The following ADAM7 variants were observed in gnomAD, a reference collection of about 807,000 sequenced individuals.
ADAM7 encodes ADAM metallopeptidase domain 7.
ADAM7 carries 97 observed loss-of-function variants against 102.9 expected under a neutral mutation model. That is an observed-to-expected ratio of 0.94 (90% confidence interval 0.80 to 1.12). The LOEUF (loss-of-function observed/expected upper bound fraction) is 1.12, where lower values mean the gene tolerates loss of function less well. ADAM7 is among the 50% of genes most tolerant of loss of function. The pLI is 0.00. For synonymous variants in ADAM7, 334 were observed against 304.4 expected, an observed-to-expected ratio of 1.10 and a Z score of -1.01; for missense variants, 991 against 908.7, an observed-to-expected ratio of 1.09 and a Z score of -1.16.
chr8:24,499,827 C>T lies in ADAM7; in HGVS notation c.1924-351C>T, dbSNP rs1020089034. The stretch of plus-strand genomic sequence containing the variant: ...ACACACACACACACACACACACACA[C>T]ATCACACATCACACACACACACACA... On this transcript the variant is annotated intron_variant, in intron 17 of 21. Coordinates refer to ENST00000175238, the MANE Select transcript of ADAM7 (RefSeq NM_003817.4). Among the ~76,000 whole-genome samples the T allele has an allele frequency of 8.9e-3, 1,307 of 146,136 alleles. 19 individuals are homozygous for T. Among genetic ancestry groups the T allele is most frequent in the African/African-American group, 0.032 (1,253 of 39,604 alleles).
In ADAM7 at chr8:24,502,210, A is replaced by G. The variant is rs186411005; in HGVS notation, c.2208+634A>G. 6.7e-3 allele frequency among the ~76,000 whole-genome samples: 982 copies of G among 146,064 alleles called. 12 individuals carry two copies. Among genetic ancestry groups the G allele is most frequent in the African/African-American group, 0.023 (936 of 40,846 alleles). ...GGAATAATCAAAAGGGAAATTAGAA[A>G]GTGTTTTAACCTGAATGAAAATTAA... is the stretch of plus-strand genomic sequence containing the variant. On this transcript the variant is annotated intron_variant, in intron 20 of 21. Transcript: ENST00000175238.
intron 16 of ADAM7, among the ~76,000 whole-genome samples, chr8:24,495,020 C>T (rs1820506654): frequency 6.6e-6 from 1 of 152,154 alleles, no homozygotes; most frequent in African/African-American, 2.4e-5. Flanking sequence ...TATGGGGAGT[C>T]AGGACATTCA....
In ADAM7 at chr8:24,486,249, G is replaced by A. The variant is rs1820141291; in HGVS notation, c.960+888G>A. ...TTATTAGCTTTATAGTAATCTGATA[G>A]CCCACCTCTTTTTGGAAATTAATTC... On this transcript the variant is annotated intron_variant, in intron 10 of 21. Coordinates refer to ENST00000175238, the MANE Select transcript of ADAM7 (RefSeq NM_003817.4). Among the ~76,000 whole-genome samples the A allele has an allele frequency of 4.6e-5, 7 of 152,196 alleles. 1 individual carries two copies. Among genetic ancestry groups the A allele is most frequent in the Middle Eastern group, 3.4e-3 (1 of 292 alleles).
chr8:24,449,039 A>T (rs1818675180), intron 3 of ADAM7, among the ~76,000 whole-genome samples: 1 of 152,060 alleles, frequency 6.6e-6, no homozygotes, highest in East Asian at 1.9e-4. Flanking sequence ...CATTTTCTTA[A>T]TCCAGTCTAT....
At position 24,485,327 on chromosome 8, in the gene ADAM7, T is replaced by C; in HGVS notation, c.926T>C (p.Met309Thr). The change falls in exon 10 of 22, where the codon ATG becomes ACG. Residue 309 changes from methionine to threonine, a missense_variant. Coordinates refer to ENST00000175238, the MANE Select transcript of ADAM7 (RefSeq NM_003817.4). ...HVQGISYPGG[M>T]CLPYYSTSII... ...CAAGGAATTTCTTATCCAGGGGGTA[T>C]GTGCCTGCCCTATTATTCCACCAGT... is the stretch of plus-strand genomic sequence containing the variant. 2.5e-6 allele frequency: 4 copies of C among 1,613,786 alleles called. No homozygotes were observed. The highest frequency in any genetic ancestry group is 3.4e-6 in the Non-Finnish European group (4 of 1,179,804).
At chr8:24,477,747 T>C (rs961960572) in intron 8 of ADAM7, among the ~76,000 whole-genome samples, 1 of 152,142 alleles carries the variant, frequency 6.6e-6, no homozygotes, top group African/African-American at 2.4e-5. Context: ...ATTTCAATTA[T>C]ATGCATATTA....
chr8:24,467,640 T>C (rs11135804), intron 6 of ADAM7: 32,666 of 152,292 alleles, frequency 0.21, 4,248 homozygotes, highest in Middle Eastern at 0.36. Flanking sequence ...ACTTAGTCCA[T>C]AGAAAAAGAT....
intron 16 of ADAM7, among the ~76,000 whole-genome samples, chr8:24,494,475 T>G (rs902975482): frequency 6.6e-6 from 1 of 152,160 alleles, no homozygotes; most frequent in African/African-American, 2.4e-5. Context: ...GCTTCCTTCT[T>G]TAAGAGTGGC....
At chr8:24,485,199 G>A (rs1356237517) in intron 9 of ADAM7, 78 bp from the exon 10 acceptor site, 1 of 1,282,002 alleles carries the variant, frequency 7.8e-7, no homozygotes, top group Non-Finnish European at 1.1e-6. Context: ...GGCATTGCTG[G>A]GGTTCACTGC....
At chr8:24,508,503 T>C in intron 21 of ADAM7, 43 bp from the exon 22 acceptor site, 2 of 1,591,084 alleles carry the variant, frequency 1.3e-6, no homozygotes, top group Non-Finnish European at 1.7e-6. Flanking sequence ...GTTCACAGAT[T>C]TCATAGGAAA....
Position 24,492,523 on chromosome 8 carries a change from C to A in ADAM7, c.1581C>A (p.Tyr527Ter), listed in dbSNP as rs1210790428. ...DEAIESHDIC[Y>*]KMNTKGNKFG... ...CAATAGAGAGTCATGATATCTGCTACAAGATGAATACAAAAGGAAATAAAT... is the reference window on the plus strand; with the variant it reads ...CAATAGAGAGTCATGATATCTGCTAAAAGATGAATACAAAAGGAAATAAAT... The change falls in exon 15 of 22, where the codon TAC (tyrosine) becomes TAA (stop). Residue 527 changes from tyrosine to a stop codon, truncating the protein, a stop_gained. Transcript: ENST00000175238. LOFTEE classifies it high-confidence loss of function. 1.9e-6 allele frequency: 3 copies of A among 1,611,430 alleles called. No homozygotes were observed. The highest frequency in any genetic ancestry group is 2.5e-6 in the Non-Finnish European group (3 of 1,178,648).
chr8:24,490,319 C>A (rs917546201), intron 12 of ADAM7: 2 of 153,116 alleles, frequency 1.3e-5, no homozygotes, highest in African/African-American at 4.8e-5. Flanking sequence ...GGCCACACTC[C>A]ATTTTCTTTG....
At chr8:24,443,575 C>G (rs927560239) in intron 2 of ADAM7, among the ~76,000 whole-genome samples, 5 of 152,168 alleles carry the variant, frequency 3.3e-5, no homozygotes, top group African/African-American at 1.2e-4. Context: ...TTTCTACCAC[C>G]CACTGTGCAT....
chr8:24,448,963 C>A (rs1818672122), intron 3 of ADAM7, among the ~76,000 whole-genome samples: 1 of 152,138 alleles, frequency 6.6e-6, no homozygotes, highest in Non-Finnish European at 1.5e-5. Flanking sequence ...TCATCCATGT[C>A]CCTACAAAGA....
rs185135011 is a variant in ADAM7, at chr8:24,507,818, C to A, written c.2264+283C>A. Reference sequence around the variant, plus strand: ...TACAGGTTAGGAATAACGAAAGCAGCACTATTCTTTCAGACTTTTGTTGGT... The same window carrying A: ...TACAGGTTAGGAATAACGAAAGCAGAACTATTCTTTCAGACTTTTGTTGGT... On this transcript the variant is annotated intron_variant, in intron 21 of 21. Coordinates refer to ENST00000175238, the MANE Select transcript of ADAM7 (RefSeq NM_003817.4). 1.6e-3 allele frequency among the ~76,000 whole-genome samples: 239 copies of A among 152,284 alleles called. 1 individual carries two copies. The highest frequency in any genetic ancestry group is 5.5e-3 in the African/African-American group (230 of 41,564).
intron 3 of ADAM7, among the ~76,000 whole-genome samples, chr8:24,456,131 T>C (rs926246961): frequency 6.6e-6 from 1 of 152,194 alleles, no homozygotes; most frequent in Non-Finnish European, 1.5e-5. Flanking sequence ...TCCACATTTT[T>C]CCTACAGCTC....
chr8:24,471,341 A>G (rs962075807), intron 7 of ADAM7, among the ~76,000 whole-genome samples: 3 of 152,016 alleles, frequency 2.0e-5, no homozygotes, highest in Non-Finnish European at 4.4e-5. Context: ...TACAAAGTCC[A>G]CCGTAGGGTA....
At chr8:24,442,837 T>C (rs907149744) in intron 2 of ADAM7, among the ~76,000 whole-genome samples, 2 of 152,142 alleles carry the variant, frequency 1.3e-5, no homozygotes, top group Non-Finnish European at 2.9e-5. Flanking sequence ...GGCTGACTTA[T>C]AACAACCTCA....
At position 24,482,259 on chromosome 8, in the gene ADAM7, CA is replaced by C. The variant is rs1424670319; in HGVS notation, c.825del (p.Glu276LysfsTer53). 6.2e-7 allele frequency: 1 copy of C among 1,610,356 alleles called. No homozygotes were observed. The highest frequency in any genetic ancestry group is 1.3e-5 in the African/African-American group (1 of 74,536). On this transcript the variant is annotated frameshift_variant, in exon 9 of 22. Transcript: ENST00000175238. LOFTEE classifies it high-confidence loss of function. ...TACCTTATTGCGTTTTTCATTTTGG[CA>C]AGAAAAGATCCTTAAAACACGGAAG... ...ETTLLRFSFW[Q>X]EKILKTRKDF... is the part of the protein sequence containing the mutation.
Sources: gnomAD v4.1 joint callset for allele counts (sites outside exome capture counted in the v4.1 genomes callset) on GRCh38, gnomAD v4.1.1 for gene constraint, MANE v1.5 for transcripts, NCBI Gene and HGNC (gene_info 2026-07-23, HGNC 2026-07-21) for gene names.